Variants in FAM117B observed in about 807,000 individuals in gnomAD.
The protein encoded by FAM117B is family with sequence similarity 117 member B, also known as protein FAM117B.
FAM117B carries 22 observed loss-of-function variants against 52.8 expected under a neutral mutation model. The observed-to-expected ratio is 0.42, with a 90% CI of 0.30 to 0.59. FAM117B has a LOEUF of 0.59. Ranked by LOEUF, FAM117B falls within the 20% of genes least tolerant of loss-of-function variation. The probability of loss-of-function intolerance (pLI) is 0.22; values close to 1 mark genes in which losing one functional copy is unlikely to be tolerated. For synonymous variants in FAM117B, 309 were observed against 324.1 expected (o/e 0.95, Z 0.50); for missense variants, 678 against 802.6 (o/e 0.84, Z 1.88).
At chr2:202,690,846 C>T (rs1034993035) in intron 1 of FAM117B, among the ~76,000 whole-genome samples, 2 of 152,168 alleles carry the variant, frequency 1.3e-5, no homozygotes, top group African/African-American at 2.4e-5. Flanking sequence ...GTCATCTTTG[C>T]TTCTTCAGAT....
At chr2:202,672,482 G>A (rs1402618652) in intron 1 of FAM117B, among the ~76,000 whole-genome samples, 10 of 152,158 alleles carry the variant, frequency 6.6e-5, no homozygotes, top group Admixed American at 6.5e-4. Flanking sequence ...CCAAAGTGCT[G>A]GGATTACAGG....
At chr2:202,756,921 A>G (rs1248419885) in intron 5 of FAM117B, among the ~76,000 whole-genome samples, 1 of 152,134 alleles carries the variant, frequency 6.6e-6, no homozygotes, top group Non-Finnish European at 1.5e-5. Flanking sequence ...ATAATTTTTA[A>G]AATAACCCTT....
rs1690763124 is a variant in FAM117B, at chr2:202,699,437, A to G, written c.753+3405A>G. On this transcript the variant is annotated intron_variant, in intron 2 of 7. Transcript: ENST00000392238. ...GTGAGACCCCATCTCAAAAAAAAAAAAAAAAAAAAAAGAAAAAAAAAAAAA... is the reference window on the plus strand; with the variant it reads ...GTGAGACCCCATCTCAAAAAAAAAAGAAAAAAAAAAAGAAAAAAAAAAAAA... 4.5e-5 allele frequency among the ~76,000 whole-genome samples: 6 copies of G among 132,306 alleles called. No homozygotes were observed. In the South Asian group the frequency reaches 1.5e-3, roughly 33 times the overall value. The allele number at this position is 132,306 out of a possible 152,430, so 86.8% of individuals were successfully genotyped here.
At chr2:202,748,570 C>CA (rs1691671058) in intron 4 of FAM117B, among the ~76,000 whole-genome samples, 1 of 151,802 alleles carries the variant, frequency 6.6e-6, no homozygotes, top group Non-Finnish European at 1.5e-5. Context: ...AACTCAATAG[C>CA]AAAAAACAAC....
chr2:202,715,169 C>G (rs1403153563), intron 2 of FAM117B, among the ~76,000 whole-genome samples: 2 of 149,474 alleles, frequency 1.3e-5, no homozygotes, highest in Non-Finnish European at 1.5e-5. Flanking sequence ...GGCTGACCCC[C>G]CACCTCCCTC....
intron 4 of FAM117B, among the ~76,000 whole-genome samples, chr2:202,739,411 C>T (rs925674465): frequency 6.6e-6 from 1 of 151,146 alleles, no homozygotes; most frequent in African/African-American, 2.4e-5. Context: ...TTCTGTCTGT[C>T]TTCCTGTCTG....
chr2:202,644,060 T>TTTTTTTTG (rs1257256828), intron 1 of FAM117B, among the ~76,000 whole-genome samples: 1 of 134,408 alleles, frequency 7.4e-6, no homozygotes, highest in African/African-American at 3.0e-5. Context: ...GCTGTTTTTT[T>TTTTTTTTG]TTTGTTTTTT....
intron 2 of FAM117B, among the ~76,000 whole-genome samples, chr2:202,717,714 A>C (rs536325357): frequency 6.6e-6 from 1 of 152,260 alleles, no homozygotes; most frequent in African/African-American, 2.4e-5. Flanking sequence ...TGACACAAGC[A>C]CCCCTGTGAC....
rs1394818502 is a variant in FAM117B at position 202,768,968 on chromosome 2, A to C, written c.*3204A>C. ...GTTTCTGATCATGACTGAGTCTATT[A>C]CTTGTCATGGCTTTTGTACGCAACT... On this transcript the variant is annotated 3_prime_UTR_variant, in exon 8 of 8. Coordinates refer to ENST00000392238, the MANE Select transcript of FAM117B (RefSeq NM_173511.4). The C allele has an allele frequency of 6.6e-6, 1 of 152,114 alleles. No individual in the cohort carries two copies. Among genetic ancestry groups the C allele is most frequent in the Non-Finnish European group, 1.5e-5 (1 of 68,000 alleles). 9.4% of individuals were successfully genotyped at this position (152,114 alleles called of 1,614,324 possible). A position where few individuals can be genotyped will look rare whatever the true frequency, so the allele number is the denominator to read the frequency against.
intron 1 of FAM117B, among the ~76,000 whole-genome samples, chr2:202,643,293 TA>T (rs1220642039): frequency 1.1e-4 from 16 of 152,094 alleles, no homozygotes; most frequent in Non-Finnish European, 5.9e-5. Flanking sequence ...ATGGTAAATG[TA>T]GATGGAGCAA....
At chr2:202,750,608 G>A (rs1691707083) in intron 4 of FAM117B, among the ~76,000 whole-genome samples, 1 of 152,156 alleles carries the variant, frequency 6.6e-6, no homozygotes, top group Admixed American at 6.6e-5. Flanking sequence ...ATATGATTTT[G>A]GGGGGACACA....
chr2:202,761,544 G>C (rs913206647), intron 7 of FAM117B, among the ~76,000 whole-genome samples: 4 of 151,546 alleles, frequency 2.6e-5, no homozygotes, highest in African/African-American at 9.7e-5. Flanking sequence ...TTTTTTTCTT[G>C]AGATGGAGTT....
chr2:202,653,604 GTC>G, intron 1 of FAM117B, among the ~76,000 whole-genome samples: 1 of 152,198 alleles, frequency 6.6e-6, no homozygotes, highest in South Asian at 2.1e-4. Context: ...ACTGGATTTT[GTC>G]TGTCTTGAAA....
At chr2:202,705,127 A>G (rs1690852922) in intron 2 of FAM117B, among the ~76,000 whole-genome samples, 1 of 151,834 alleles carries the variant, frequency 6.6e-6, no homozygotes, top group Non-Finnish European at 1.5e-5. Flanking sequence ...ACCAACATGG[A>G]GAAACCCCAT....
chr2:202,636,730 G>C (rs1689692876), intron 1 of FAM117B, among the ~76,000 whole-genome samples: 2 of 152,188 alleles, frequency 1.3e-5, no homozygotes, highest in South Asian at 4.1e-4. Context: ...GTCTTTCCTT[G>C]TCTGGGGAAC....
At position 202,725,098 on chromosome 2, in the gene FAM117B, C is replaced by A; in HGVS notation, c.846+89C>A. On this transcript the variant is annotated intron_variant, in intron 3 of 7. Coordinates refer to ENST00000392238, the MANE Select transcript of FAM117B (RefSeq NM_173511.4). Reference sequence around the variant, plus strand: ...GATATTATGGGCAGCAAGGATTTGTCGTTTTCCATTGATTTCTTTTTTCTT... The same window carrying A: ...GATATTATGGGCAGCAAGGATTTGTAGTTTTCCATTGATTTCTTTTTTCTT... The A allele has an allele frequency of 3.2e-6, 3 of 935,454 alleles. No individual in the cohort carries two copies. In the South Asian group the frequency reaches 5.5e-5, roughly 17 times the overall value. The allele number at this position is 935,454 out of a possible 1,614,324, so 57.9% of individuals were successfully genotyped here. A position where few individuals can be genotyped will look rare whatever the true frequency, so the allele number is the denominator to read the frequency against.
intron 1 of FAM117B, among the ~76,000 whole-genome samples, chr2:202,661,821 CAGG>C (rs1203321054): frequency 6.6e-6 from 1 of 151,026 alleles, no homozygotes; most frequent in Non-Finnish European, 1.5e-5. Context: ...GGGGCTGAGG[CAGG>C]AGAATAGCTT....
chr2:202,744,819 C>T (rs1360275191), intron 4 of FAM117B, among the ~76,000 whole-genome samples: 3 of 149,858 alleles, frequency 2.0e-5, no homozygotes, highest in Non-Finnish European at 4.5e-5. Flanking sequence ...ACTAAAAATA[C>T]AAAAAAAATT....
In FAM117B at chr2:202,755,696, A is replaced by T; in HGVS notation, c.1104+15A>T. On this transcript the variant is annotated intron_variant, in intron 5 of 7. Transcript: ENST00000392238. The stretch of plus-strand genomic sequence containing the variant: ...AGCAACTTATAGTAAGTGATCTTGT[A>T]TCTTAAAATCATTCTTGAACTCTTA... 3 of 1,604,490 alleles carry T rather than the reference A, an allele frequency of 1.9e-6. No individual in the cohort carries two copies. Among genetic ancestry groups the T allele is most frequent in the Non-Finnish European group, 2.6e-6 (3 of 1,174,878 alleles).
Sources: allele counts gnomAD v4.1 joint callset (sites outside exome capture counted in the v4.1 genomes callset), GRCh38; gene constraint gnomAD v4.1.1; transcripts MANE v1.5; gene names NCBI Gene and HGNC (gene_info 2026-07-23, HGNC 2026-07-21).